RGS18: variants seen among roughly 807,000 people sequenced by gnomAD.
RGS18 encodes the protein regulator of G-protein signaling 18.
Under a neutral mutation model 27.6 loss-of-function variants are expected in RGS18, and 22 were observed. The ratio of observed to expected loss-of-function variants is 0.80; its 90% confidence interval spans 0.57 to 1.14. The LOEUF (loss-of-function observed/expected upper bound fraction) is 1.14, where lower values mean the gene tolerates loss of function less well. RGS18 is among the 50% of genes most tolerant of loss of function. The pLI is 0.00. For missense variants in RGS18, 299 were observed against 269.6 expected (o/e 1.11, Z -0.76); for synonymous variants, 89 against 84.6 (o/e 1.05, Z -0.29).
At chr1:192,168,806 T>C (rs537559822) in intron 3 of RGS18, 1 of 152,170 alleles carries the variant, frequency 6.6e-6, no homozygotes, top group Admixed American at 6.5e-5. Context: ...TAATTTTAAA[T>C]AAGATGAACC....
chr1:192,160,610 T>G, intron 3 of RGS18, 171 bp downstream of exon 3: 1 of 481,062 alleles, frequency 2.1e-6, no homozygotes, highest in Admixed American at 3.7e-5. Context: ...ATAATGGAAA[T>G]TTTTTTAAAA....
At chr1:192,165,795 T>C (rs571144178) in intron 3 of RGS18, among the ~76,000 whole-genome samples, 1 of 152,358 alleles carries the variant, frequency 6.6e-6, no homozygotes, top group African/African-American at 2.4e-5. Context: ...ATTTAAATTC[T>C]GTTTCTTATT....
intron 3 of RGS18, among the ~76,000 whole-genome samples, chr1:192,170,886 T>C (rs1050502762): frequency 6.6e-6 from 1 of 152,136 alleles, no homozygotes; most frequent in Non-Finnish European, 1.5e-5. Flanking sequence ...AATATAGTCT[T>C]GGACAATTCA....
chr1:192,165,798 T>G (rs1440739693), intron 3 of RGS18, among the ~76,000 whole-genome samples: 35 of 152,222 alleles, frequency 2.3e-4, no homozygotes, highest in Admixed American at 2.3e-3. Flanking sequence ...TAAATTCTGT[T>G]TCTTATTTCG....
chr1:192,176,341 C>T (rs1656357617), intron 3 of RGS18, among the ~76,000 whole-genome samples: 1 of 151,818 alleles, frequency 6.6e-6, no homozygotes, highest in African/African-American at 2.4e-5. Context: ...TCTCTGCCTC[C>T]TCAATTCAGC....
At chr1:192,161,006 C>T (rs191553989) in intron 3 of RGS18, among the ~76,000 whole-genome samples, 4 of 152,226 alleles carry the variant, frequency 2.6e-5, no homozygotes, top group South Asian at 2.1e-4. Context: ...CCCGCCACCA[C>T]GCCCGGCTAA....
chr1:192,182,519 A>G (rs1402727214), intron 4 of RGS18, among the ~76,000 whole-genome samples: 1 of 151,578 alleles, frequency 6.6e-6, no homozygotes, highest in African/African-American at 2.4e-5. Flanking sequence ...AATTTTTTAG[A>G]TAATCTGTCT....
chr1:192,172,666 T>C (rs1299117697), intron 3 of RGS18, among the ~76,000 whole-genome samples: 1 of 151,724 alleles, frequency 6.6e-6, no homozygotes, highest in Admixed American at 6.6e-5. Context: ...ATCTCTCTGA[T>C]CTACTCTTCT....
intron 3 of RGS18, among the ~76,000 whole-genome samples, chr1:192,165,966 T>A (rs1468412426): frequency 6.6e-6 from 1 of 152,162 alleles, no homozygotes; most frequent in Non-Finnish European, 1.5e-5. Flanking sequence ...TAGTAATAAA[T>A]CAAAAATGAA....
chr1:192,161,117 TGGGATTACA>T (rs1656063425), intron 3 of RGS18, among the ~76,000 whole-genome samples: 2 of 152,254 alleles, frequency 1.3e-5, no homozygotes, highest in African/African-American at 4.8e-5. Flanking sequence ...CCCAAAGTGC[TGGGATTACA>T]GGCGTGAACC....
chr1:192,178,805 T>G (rs1211526003), intron 3 of RGS18, among the ~76,000 whole-genome samples: 3 of 151,630 alleles, frequency 2.0e-5, no homozygotes, highest in Admixed American at 1.3e-4. Flanking sequence ...ATTTTAAAAA[T>G]AATTTCTTGT....
intron 3 of RGS18, among the ~76,000 whole-genome samples, chr1:192,171,833 A>G (rs895970183): frequency 2.0e-5 from 3 of 152,090 alleles, no homozygotes; most frequent in Non-Finnish European, 2.9e-5. Context: ...ATACAAAAAG[A>G]ATAATTTGAG....
At chr1:192,165,445 C>T (rs1481139081) in intron 3 of RGS18, among the ~76,000 whole-genome samples, 1 of 152,106 alleles carries the variant, frequency 6.6e-6, no homozygotes, top group Non-Finnish European at 1.5e-5. Flanking sequence ...TCTCTGTGAC[C>T]CACACTGTGT....
At chr1:192,175,379 T>C (rs1656341826) in intron 3 of RGS18, among the ~76,000 whole-genome samples, 1 of 151,888 alleles carries the variant, frequency 6.6e-6, no homozygotes, top group Admixed American at 6.6e-5. Flanking sequence ...AATTATGTGG[T>C]CTTCCCTTAT....
chr1:192,176,545 G>T (rs976181965), intron 3 of RGS18, among the ~76,000 whole-genome samples: 7 of 151,562 alleles, frequency 4.6e-5, no homozygotes, highest in African/African-American at 1.7e-4. Context: ...AGGAGGACAA[G>T]CCTGGTTCCC....
chr1:192,159,917 A>T (rs1436206911), intron 2 of RGS18, among the ~76,000 whole-genome samples: 1 of 152,076 alleles, frequency 6.6e-6, no homozygotes, highest in Non-Finnish European at 1.5e-5. Context: ...AAACTTTATT[A>T]GTCAAACTTC....
intron 3 of RGS18, among the ~76,000 whole-genome samples, chr1:192,172,120 G>T (rs962907525): frequency 1.3e-5 from 2 of 151,938 alleles, no homozygotes; most frequent in African/African-American, 2.4e-5. Flanking sequence ...CCACTGCTAC[G>T]GTTTGGATGT....
At chr1:192,164,905 G>T (rs572274998) in intron 3 of RGS18, among the ~76,000 whole-genome samples, 1 of 152,278 alleles carries the variant, frequency 6.6e-6, no homozygotes, top group African/African-American at 2.4e-5. Context: ...TGTTCGTAAA[G>T]CATGTGTGTT....
At chr1:192,175,584 C>T (rs557291030) in intron 3 of RGS18, among the ~76,000 whole-genome samples, 7 of 151,964 alleles carry the variant, frequency 4.6e-5, no homozygotes, top group Admixed American at 3.3e-4. Context: ...ATCTCTTCTA[C>T]GGCTGAGCCA....
Sources: allele counts gnomAD v4.1 joint callset (sites outside exome capture counted in the v4.1 genomes callset), GRCh38; gene constraint gnomAD v4.1.1; transcripts MANE v1.5; gene names NCBI Gene and HGNC (gene_info 2026-07-23, HGNC 2026-07-21).